Variants in KGD4 observed in about 807,000 individuals in gnomAD.
The protein encoded by KGD4 is alpha-ketoglutarate dehydrogenase subunit 4.
the KGD4 span, among the ~76,000 whole-genome samples, chr5:69,220,082 T>C: frequency 2.0e-5 from 3 of 151,152 alleles, no homozygotes; most frequent in African/African-American, 7.3e-5. Flanking sequence ...TTTTAAAAAA[T>C]TAGCTGAGCA....
chr5:69,220,533 C>T, the KGD4 span, among the ~76,000 whole-genome samples: 5 of 151,454 alleles, frequency 3.3e-5, no homozygotes, highest in Non-Finnish European at 2.9e-5. Context: ...AAGTGAGGAG[C>T]GCCTCTGCCC....
chr5:69,226,443 A>G, the KGD4 span: 9 of 1,291,632 alleles, frequency 7.0e-6, no homozygotes, highest in Non-Finnish European at 9.9e-6. Flanking sequence ...AATTGTGTAC[A>G]TGAATATTTA....
chr5:69,217,912 G>A, the KGD4 span: 1 of 1,614,088 alleles, frequency 6.2e-7, no homozygotes, highest in East Asian at 2.2e-5. Context: ...GGGCGGTAGG[G>A]ACGGTGCTGA....
the KGD4 span, chr5:69,217,789 C>T: frequency 4.3e-6 from 7 of 1,612,684 alleles, no homozygotes; most frequent in African/African-American, 5.4e-5. Context: ...GTGATCGCCG[C>T]GGCTCGCTCG....
At chr5:69,229,107 G>T in the KGD4 span, 3 of 828,908 alleles carry the variant, frequency 3.6e-6, no homozygotes, top group African/African-American at 5.6e-5. Context: ...AAAAACCAAA[G>T]ATTACTTACT....
chr5:69,229,739 G>A, the KGD4 span: 1 of 152,946 alleles, frequency 6.5e-6, no homozygotes, highest in Non-Finnish European at 1.5e-5. Context: ...AACTGGCTTA[G>A]TAAGTATATC....
At chr5:69,228,224 G>A in the KGD4 span, 1 of 1,587,316 alleles carries the variant, frequency 6.3e-7, no homozygotes, top group Middle Eastern at 1.9e-4. Flanking sequence ...AGATCAGCAG[G>A]GCTACCATCT....
chr5:69,230,115 GT>G, the KGD4 span: 1 of 151,916 alleles, frequency 6.6e-6, no homozygotes, highest in Non-Finnish European at 1.5e-5. Flanking sequence ...ATATTGTGAA[GT>G]AAAGCCTCAC....
the KGD4 span, chr5:69,229,060 G>A: frequency 7.5e-6 from 3 of 398,480 alleles, no homozygotes; most frequent in Non-Finnish European, 9.2e-6. Context: ...ATTGATATGA[G>A]TACCCAAAAG....
At chr5:69,223,280 C>T in the KGD4 span, among the ~76,000 whole-genome samples, 19 of 151,410 alleles carry the variant, frequency 1.3e-4, 1 homozygote, top group Non-Finnish European at 2.9e-5. Context: ...GGGGTTTCTC[C>T]GTGTTAGCCA....
At chr5:69,225,420 C>A in the KGD4 span, among the ~76,000 whole-genome samples, 1 of 151,684 alleles carries the variant, frequency 6.6e-6, no homozygotes, top group Non-Finnish European at 1.5e-5. Flanking sequence ...TGCACTACCA[C>A]CATGCCCTGC....
At chr5:69,219,645 T>C in the KGD4 span, among the ~76,000 whole-genome samples, 17 of 152,090 alleles carry the variant, frequency 1.1e-4, no homozygotes, top group African/African-American at 4.1e-4. Flanking sequence ...CAAAGACCTG[T>C]ACTCACCTAT....
chr5:69,226,960 C>G, the KGD4 span, among the ~76,000 whole-genome samples: 2 of 152,300 alleles, frequency 1.3e-5, no homozygotes, highest in African/African-American at 4.8e-5. Context: ...CAGTCTCCCC[C>G]TCCCGGGTTA....
the KGD4 span, among the ~76,000 whole-genome samples, chr5:69,220,264 G>T: frequency 1.3e-5 from 2 of 151,710 alleles, no homozygotes; most frequent in Admixed American, 6.6e-5. Flanking sequence ...CTTAGAATTT[G>T]GTTGTTGATC....
At chr5:69,218,193 C>T in the KGD4 span, 1 of 371,688 alleles carries the variant, frequency 2.7e-6, no homozygotes, top group East Asian at 4.7e-5. Flanking sequence ...GTGAGGCGAC[C>T]CTGGCGGTAG....
chr5:69,218,249 C>T, the KGD4 span: 1 of 240,060 alleles, frequency 4.2e-6, no homozygotes, highest in Non-Finnish European at 8.1e-6. Context: ...CCCCGATCAG[C>T]CAATCGGAAG....
At chr5:69,226,172 G>A in the KGD4 span, among the ~76,000 whole-genome samples, 1 of 152,240 alleles carries the variant, frequency 6.6e-6, no homozygotes, top group Non-Finnish European at 1.5e-5. Context: ...TGTTTACCGG[G>A]TAGACAAGTT....
chr5:69,218,048 G>A, the KGD4 span: 1 of 1,008,810 alleles, frequency 9.9e-7, no homozygotes. Flanking sequence ...TGTTGGACCG[G>A]GCAGTGAGGT....
At chr5:69,218,109 C>T in the KGD4 span, 3 of 618,808 alleles carry the variant, frequency 4.8e-6, no homozygotes, top group Admixed American at 5.9e-5. Context: ...AGCATCTTGG[C>T]AGGTAGGTCC....
Sources: allele counts gnomAD v4.1 joint callset (sites outside exome capture counted in the v4.1 genomes callset), GRCh38; gene constraint gnomAD v4.1.1; transcripts MANE v1.5; gene names NCBI Gene and HGNC (gene_info 2026-07-23, HGNC 2026-07-21).